The following JADE2 variants were observed in gnomAD, a reference collection of about 807,000 sequenced individuals.
JADE2 encodes E3 ubiquitin-protein ligase Jade-2.
Under a neutral mutation model 85.7 loss-of-function variants are expected in JADE2, and 13 were observed. The observed-to-expected ratio is 0.15, with a 90% confidence interval of 0.10 to 0.24. The LOEUF (loss-of-function observed/expected upper bound fraction) is 0.24. JADE2 is among the 10% of genes least tolerant of loss of function. The probability of loss-of-function intolerance (pLI) is 1.00; values close to 1 mark genes in which losing one functional copy is unlikely to be tolerated. For missense variants in JADE2, 846 were observed against 1,115.9 expected (o/e 0.76, Z 3.45); for synonymous variants, 440 against 456.1 (o/e 0.96, Z 0.45).
chr5:134,566,026 T>G lies in JADE2; in HGVS notation c.970-90T>G. On this transcript the variant is annotated intron_variant, in intron 8 of 11. Transcript: ENST00000681547. The surrounding 1 kb of genome is among the most constrained non-coding windows in gnomAD (Gnocchi z 6.7). ...TTAGGTTCTCTCCAGCATTGCGCAT[T>G]CTCAGTAGAGCCCTGGGGGAAGCCC... 1 of 1,140,780 alleles carries G rather than the reference T, an allele frequency of 8.8e-7. No homozygotes were observed. Among genetic ancestry groups the G allele is most frequent in the Non-Finnish European group, 1.3e-6 (1 of 783,494 alleles). The allele number at this position is 1,140,780 out of a possible 1,614,324, so 70.7% of individuals were successfully genotyped here.
rs1478740113 is a variant in JADE2, at chr5:134,557,282, T to TA, written c.312-2548_312-2547insA. 5.8e-3 allele frequency among the ~76,000 whole-genome samples: 563 copies of TA among 97,324 alleles called. 8 individuals carry two copies. Among genetic ancestry groups the TA allele is most frequent in the Non-Finnish European group, 7.8e-3 (336 of 42,986 alleles). 63.8% of individuals were successfully genotyped at this position (97,324 alleles called of 152,430 possible). On this transcript the variant is annotated intron_variant, in intron 4 of 11. Transcript: ENST00000681547. ...TTTATTTTTTTATTTTTTTTTTTAT[T>TA]TTTTTTTTTTTCAGACAGAACCCAT... is the stretch of plus-strand genomic sequence containing the variant.
Position 134,580,431 on chromosome 5 carries a change from C to T in JADE2, c.*1114C>T, listed in dbSNP as rs907964395. The T allele has an allele frequency of 1.6e-5, 2 of 125,904 alleles. No homozygotes were observed. Among genetic ancestry groups the T allele is most frequent in the African/African-American group, 5.8e-5 (2 of 34,564 alleles). 7.8% of individuals were successfully genotyped at this position (125,904 alleles called of 1,614,324 possible). On this transcript the variant is annotated 3_prime_UTR_variant, in exon 12 of 12. Coordinates refer to ENST00000681547, the MANE Select transcript of JADE2 (RefSeq NM_001388185.1). ...TTAACCCCTCGCACAGCCATCCCCC[C>T]CCCCGTCCTGCCATCCCCCCCCGCC...
intron 10 of JADE2, chr5:134,575,718 T>G: frequency 1.1e-5 from 1 of 95,212 alleles, no homozygotes. Flanking sequence ...GACCAGCCTG[T>G]CTCTACAAAA....
intron 1 of JADE2, among the ~76,000 whole-genome samples, chr5:134,533,055 G>C (rs1761351277): frequency 6.6e-6 from 1 of 152,190 alleles, no homozygotes; most frequent in Admixed American, 6.5e-5. Context: ...GGGTTAGATG[G>C]GGAATTGGCT....
In JADE2 at chr5:134,577,433, G is replaced by A. The variant is rs1042353358; in HGVS notation, c.1681+537G>A. Among the ~76,000 whole-genome samples, 5 of 152,326 alleles carry A rather than the reference G, an allele frequency of 3.3e-5. No individual in the cohort carries two copies. In the East Asian group the frequency reaches 5.8e-4, roughly 18 times the overall value. On this transcript the variant is annotated intron_variant, in intron 11 of 11. Coordinates refer to ENST00000681547, the MANE Select transcript of JADE2 (RefSeq NM_001388185.1). Reference sequence around the variant, plus strand: ...GAGCAGTGTGACTCATGGACCTCACGTGCTTCCTCCAGAGATCTCAGGGAG... The same window carrying A: ...GAGCAGTGTGACTCATGGACCTCACATGCTTCCTCCAGAGATCTCAGGGAG...
Position 134,530,429 on chromosome 5 carries a change from A to AGGCAG in JADE2, c.-1+4420_-1+4424dup, listed in dbSNP as rs1357108087. ...GGACGAAATCCTGCTGTGTGGTGGCAGGCAGGCCAGGCCTAGTGGCCCCTG... is the reference window on the plus strand; with the variant it reads ...GGACGAAATCCTGCTGTGTGGTGGCAGGCAGGGCAGGCCAGGCCTAGTGGCCCCTG... On this transcript the variant is annotated intron_variant, in intron 1 of 11. Transcript: ENST00000681547. Among the ~76,000 whole-genome samples the AGGCAG allele has an allele frequency of 2.0e-5, 3 of 152,178 alleles. No individual in the cohort carries two copies. The East Asian group carries it at 5.8e-4, about 29-fold the overall frequency.
At chr5:134,537,778 C>T (rs1273860985) in intron 2 of JADE2, among the ~76,000 whole-genome samples, 1 of 152,156 alleles carries the variant, frequency 6.6e-6, no homozygotes, top group African/African-American at 2.4e-5. Context: ...TTGATTTCTC[C>T]AGCCTTCTGG....
chr5:134,551,942 G>A (rs1043662437), intron 3 of JADE2, 110 bp from the exon 4 acceptor site: 20 of 946,320 alleles, frequency 2.1e-5, no homozygotes, highest in African/African-American at 1.6e-4. Flanking sequence ...TTCTAAGTGC[G>A]CAGGCAGAAT....
chr5:134,539,519 A>G (rs567390303), intron 3 of JADE2, among the ~76,000 whole-genome samples: 3 of 152,330 alleles, frequency 2.0e-5, no homozygotes, highest in African/African-American at 4.8e-5. Flanking sequence ...CTTAAGTAGG[A>G]CACTGTACTA....
chr5:134,563,180 G>A (rs1228036005), intron 7 of JADE2, among the ~76,000 whole-genome samples: 1 of 152,024 alleles, frequency 6.6e-6, no homozygotes, highest in Admixed American at 6.6e-5. Context: ...AATTAGCTGG[G>A]CTTAGCACAT....
At chr5:134,526,088 G>T (rs1257869973) in intron 1 of JADE2, 77 bp downstream of exon 1, 1 of 985,508 alleles carries the variant, frequency 1.0e-6, no homozygotes. Context: ...AGATCTGCCA[G>T]CGCTCTTCGC....
chr5:134,532,721 G>A (rs981796109), intron 1 of JADE2, among the ~76,000 whole-genome samples: 1 of 152,094 alleles, frequency 6.6e-6, no homozygotes, highest in Admixed American at 6.5e-5. Context: ...TGCAGTCCTG[G>A]ATTTCAGCTT....
intron 6 of JADE2, 94 bp downstream of exon 6, chr5:134,561,051 A>G: frequency 9.4e-7 from 1 of 1,060,864 alleles, no homozygotes; most frequent in Non-Finnish European, 1.4e-6. Flanking sequence ...CACTGTGGAC[A>G]GAAGCCCTTA....
intron 1 of JADE2, 161 bp downstream of exon 1, chr5:134,526,172 AG>A (rs981353528): frequency 2.5e-4 from 244 of 984,094 alleles, no homozygotes; most frequent in East Asian, 1.0e-3. Context: ...CAGCGCGGAG[AG>A]GGGGGGGATG....
At chr5:134,554,596 C>G (rs1287669464) in intron 4 of JADE2, among the ~76,000 whole-genome samples, 1 of 152,196 alleles carries the variant, frequency 6.6e-6, no homozygotes, top group Non-Finnish European at 1.5e-5. Context: ...GTTCCGGCTG[C>G]TTTGACTTTA....
intron 3 of JADE2, chr5:134,544,330 A>G (rs924594566): frequency 6.4e-6 from 1 of 157,022 alleles, no homozygotes; most frequent in Non-Finnish European, 1.5e-5. Flanking sequence ...TGCAGGTGCT[A>G]CACAGGAAGG....
chr5:134,546,659 T>C, intron 3 of JADE2, among the ~76,000 whole-genome samples: 1 of 151,524 alleles, frequency 6.6e-6, no homozygotes. Flanking sequence ...TCCCAGCTAC[T>C]CAGGAGGCTG....
intron 1 of JADE2, chr5:134,526,781 C>T (rs951115511): frequency 5.1e-6 from 5 of 984,864 alleles, no homozygotes; most frequent in African/African-American, 1.7e-5. Context: ...GGTGCGGAGC[C>T]TCGGCGCCAG....
intron 10 of JADE2, 50 bp downstream of exon 10, chr5:134,573,812 C>G (rs370586989): frequency 3.2e-5 from 37 of 1,151,732 alleles, no homozygotes; most frequent in Non-Finnish European, 4.8e-5. Flanking sequence ...CCCTCTCTTG[C>G]GGGGCTGGGT....
Sources: gnomAD v4.1 joint callset for allele counts (sites outside exome capture counted in the v4.1 genomes callset) on GRCh38, gnomAD v4.1.1 for gene constraint, Gnocchi (gnomAD v3.1) non-coding constraint, MANE v1.5 for transcripts, NCBI Gene and HGNC (gene_info 2026-07-23, HGNC 2026-07-21) for gene names.